Variants in PTPRT observed in about 807,000 individuals in gnomAD.
The protein encoded by PTPRT is receptor-type tyrosine-protein phosphatase T.
A neutral mutation model predicts 176.8 loss-of-function variants in PTPRT; 56 were observed. The ratio of observed to expected loss-of-function variants is 0.32; its 90% confidence interval spans 0.26 to 0.40. The LOEUF is 0.40. Ranked by LOEUF, PTPRT falls within the 10% of genes least tolerant of loss-of-function variation. The probability of loss-of-function intolerance (pLI) is 1.00; values close to 1 mark genes in which losing one functional copy is unlikely to be tolerated. For synonymous variants in PTPRT, 783 were observed against 739.0 expected (o/e 1.06, Z -0.96); for missense variants, 1,540 against 1,908.2 (o/e 0.81, Z 3.60).
At chr20:42,575,979 TA>T (rs1347216175) in intron 7 of PTPRT, among the ~76,000 whole-genome samples, 4 of 152,136 alleles carry the variant, frequency 2.6e-5, no homozygotes, top group African/African-American at 9.7e-5. Flanking sequence ...CCTCTCTGCT[TA>T]AAACTCTTCA....
intron 11 of PTPRT, among the ~76,000 whole-genome samples, chr20:42,320,656 G>A (rs1016396344): frequency 6.6e-6 from 1 of 152,206 alleles, no homozygotes; most frequent in Non-Finnish European, 1.5e-5. Flanking sequence ...TAGTAAAGGA[G>A]TGAGAGAAAA....
intron 7 of PTPRT, among the ~76,000 whole-genome samples, chr20:42,516,673 G>A (rs942516754): frequency 1.3e-5 from 2 of 152,088 alleles, no homozygotes; most frequent in Admixed American, 6.6e-5. Flanking sequence ...TAATGGTTAA[G>A]CATATACTTA....
intron 9 of PTPRT, among the ~76,000 whole-genome samples, chr20:42,390,282 T>G (rs1041316672): frequency 2.0e-5 from 3 of 152,226 alleles, no homozygotes; most frequent in Admixed American, 6.5e-5. Flanking sequence ...ATTATGCTTA[T>G]GAAATTACAT....
At chr20:42,044,388 C>A in the PTPRT span, among the ~76,000 whole-genome samples, 1 of 152,214 alleles carries the variant, frequency 6.6e-6, no homozygotes, top group Non-Finnish European at 1.5e-5. Flanking sequence ...CAGGCCCAGG[C>A]TCATTCTGGT....
intron 15 of PTPRT, among the ~76,000 whole-genome samples, chr20:42,205,858 T>C (rs2055445288): frequency 6.6e-6 from 1 of 152,082 alleles, no homozygotes; most frequent in Non-Finnish European, 1.5e-5. Flanking sequence ...CTGCTTCTAC[T>C]AAAAGCTGGC....
At chr20:42,295,894 G>A (rs577275044) in intron 12 of PTPRT, among the ~76,000 whole-genome samples, 7 of 152,136 alleles carry the variant, frequency 4.6e-5, no homozygotes, top group Admixed American at 6.6e-5. Context: ...CCTTTGCTTC[G>A]CACGTCTCTC....
In PTPRT at chr20:42,404,407, A is replaced by G. The variant is rs117820593; in HGVS notation, c.1560+43813T>C. Among the ~76,000 whole-genome samples, 218 of 152,238 alleles carry G rather than the reference A, an allele frequency of 1.4e-3. 3 individuals carry two copies. In the East Asian group the frequency reaches 0.04, roughly 28 times the overall value. ...CCACACACCCTCCAACATTCATTCAACCATCATTCTTAAACAAAAATTATG... is the reference window on the plus strand; with the variant it reads ...CCACACACCCTCCAACATTCATTCAGCCATCATTCTTAAACAAAAATTATG... On this transcript the variant is annotated intron_variant, in intron 9 of 30. Coordinates refer to ENST00000373187, the MANE Select transcript of PTPRT (RefSeq NM_007050.6).
chr20:42,434,874 A>C (rs573827906), intron 9 of PTPRT, among the ~76,000 whole-genome samples: 1 of 152,196 alleles, frequency 6.6e-6, no homozygotes, highest in South Asian at 2.1e-4. Context: ...CTGAGGCATA[A>C]GAATCTCTTG....
At chr20:42,570,283 C>T (rs1029924296) in intron 7 of PTPRT, among the ~76,000 whole-genome samples, 2 of 152,166 alleles carry the variant, frequency 1.3e-5, no homozygotes, top group Admixed American at 6.5e-5. Context: ...TGAGTAACTA[C>T]CCTTCACTCC....
At chr20:42,121,980 G>A (rs1348419397) in intron 19 of PTPRT, among the ~76,000 whole-genome samples, 2 of 152,120 alleles carry the variant, frequency 1.3e-5, no homozygotes, top group African/African-American at 4.8e-5. Flanking sequence ...ACATATGGAT[G>A]TAAAGTGTGG....
At chr20:42,911,232 CACAG>C (rs1435878262) in intron 1 of PTPRT, among the ~76,000 whole-genome samples, 1 of 151,966 alleles carries the variant, frequency 6.6e-6, no homozygotes, top group Non-Finnish European at 1.5e-5. Flanking sequence ...TTAGTACACA[CACAG>C]ACAGACAAAG....
chr20:42,466,434 C>A (rs974902510), intron 8 of PTPRT, among the ~76,000 whole-genome samples: 1 of 152,092 alleles, frequency 6.6e-6, no homozygotes, highest in Non-Finnish European at 1.5e-5. Context: ...GAGAAAAGAA[C>A]TGAACTTTTG....
intron 15 of PTPRT, among the ~76,000 whole-genome samples, chr20:42,224,466 T>G (rs1043563865): frequency 6.6e-6 from 1 of 152,198 alleles, no homozygotes; most frequent in African/African-American, 2.4e-5. Context: ...AAACTCAAGT[T>G]CCATCATCAT....
At position 42,301,954 on chromosome 20, in the gene PTPRT, C is replaced by T. The variant is rs1438059052; in HGVS notation, c.2139+13769G>A. On this transcript the variant is annotated intron_variant, in intron 12 of 30. Transcript: ENST00000373187. ...CATCTTGACTTTTGTATGTGTGAAACGTTTCTTAGCTAACAACGTGTGTTT... is the reference window on the plus strand; with the variant it reads ...CATCTTGACTTTTGTATGTGTGAAATGTTTCTTAGCTAACAACGTGTGTTT... 3.3e-5 allele frequency among the ~76,000 whole-genome samples: 5 copies of T among 152,132 alleles called. No homozygotes were observed. In the East Asian group the frequency reaches 5.8e-4, roughly 18 times the overall value.
At chr20:42,649,435 G>A (rs1330770291) in intron 7 of PTPRT, among the ~76,000 whole-genome samples, 3 of 152,116 alleles carry the variant, frequency 2.0e-5, no homozygotes, top group African/African-American at 7.2e-5. Context: ...CATATCACAT[G>A]CCTTGATGGC....
chr20:42,779,692 C>T (rs1024407793), intron 4 of PTPRT, among the ~76,000 whole-genome samples: 9 of 152,164 alleles, frequency 5.9e-5, no homozygotes, highest in African/African-American at 1.4e-4. Context: ...GGACTCTTGA[C>T]GCTGTACCAT....
chr20:42,959,641 C>T (rs946019758), intron 1 of PTPRT, among the ~76,000 whole-genome samples: 1 of 152,108 alleles, frequency 6.6e-6, no homozygotes, highest in Non-Finnish European at 1.5e-5. Context: ...AAAAATAAAA[C>T]AAAAGCCCAG....
intron 1 of PTPRT, among the ~76,000 whole-genome samples, chr20:43,115,349 C>A (rs6072981): frequency 0.54 from 81,763 of 152,042 alleles, 24,256 homozygotes; most frequent in South Asian, 0.69. Context: ...CAGCATAGTT[C>A]ATCAAGGTCA....
rs529891406 is a variant in PTPRT, at chr20:42,926,283, C to T, written c.89-40351G>A. Among the ~76,000 whole-genome samples, 3 of 152,372 alleles carry T rather than the reference C, an allele frequency of 2.0e-5. No individual in the cohort carries two copies. The South Asian group carries it at 6.2e-4, about 32-fold the overall frequency. On this transcript the variant is annotated intron_variant, in intron 1 of 30. Coordinates refer to ENST00000373187, the MANE Select transcript of PTPRT (RefSeq NM_007050.6). ...TGCATCCACCCCTCTCTCCTGTTCT[C>T]CATCCTGGACTACCCCAGAGCCCTG... is the stretch of plus-strand genomic sequence containing the variant.
Sources: allele counts gnomAD v4.1 joint callset (sites outside exome capture counted in the v4.1 genomes callset), GRCh38; gene constraint gnomAD v4.1.1; transcripts MANE v1.5; gene names NCBI Gene and HGNC (gene_info 2026-07-23, HGNC 2026-07-21).